The following TRHDE variants were observed in gnomAD, a reference collection of about 807,000 sequenced individuals.
TRHDE encodes the protein thyrotropin-releasing hormone-degrading ectoenzyme.
A neutral mutation model predicts 125.7 loss-of-function variants in TRHDE; 72 were observed. That is an observed-to-expected ratio of 0.57 (90% CI 0.47 to 0.70). The LOEUF is 0.70. TRHDE is among the 30% of genes least tolerant of loss of function. The pLI is 0.00. For missense variants in TRHDE, 1,110 were observed against 1,327.1 expected, an observed-to-expected ratio of 0.84 and a Z score of 2.54; for synonymous variants, 509 against 509.1, an observed-to-expected ratio of 1.00 and a Z score of 0.00.
Position 72,469,869 on chromosome 12 carries a change from T to C in TRHDE, c.1427T>C (p.Leu476Ser). Residue 476 changes from leucine to serine, a missense_variant, in exon 4 of 19, where the codon TTG becomes TCG. By Grantham distance (145) the Leu-to-Ser change is moderately radical. Transcript: ENST00000261180. ...LDPSVSSISY[L>S]LDVTMVIVHE... ...CCCAGTGTTTCATCTATTTCTTATT[T>C]GCTGGATGTCACCATGGTCATTGTT... 6.2e-7 allele frequency: 1 copy of C among 1,614,142 alleles called. No homozygotes were observed. The highest frequency in any genetic ancestry group is 2.2e-5 in the East Asian group (1 of 44,870).
intron 2 of TRHDE, among the ~76,000 whole-genome samples, chr12:72,108,363 T>C (rs1019925022): frequency 2.6e-5 from 4 of 152,120 alleles, no homozygotes; most frequent in African/African-American, 9.7e-5. Flanking sequence ...TAGGAAGATA[T>C]ATGAATGATT....
At chr12:72,561,710 T>C (rs1870185695) in intron 7 of TRHDE, among the ~76,000 whole-genome samples, 1 of 152,226 alleles carries the variant, frequency 6.6e-6, no homozygotes, top group Non-Finnish European at 1.5e-5. Context: ...GGAGACAGAT[T>C]GTGAAGAGAG....
At chr12:72,283,815 T>A (rs1347440030) in intron 1 of TRHDE, among the ~76,000 whole-genome samples, 1 of 152,084 alleles carries the variant, frequency 6.6e-6, no homozygotes, top group African/African-American at 2.4e-5. Flanking sequence ...TCATTCTAAT[T>A]ACAACCTCTC....
intron 2 of TRHDE, among the ~76,000 whole-genome samples, chr12:72,146,839 T>C (rs1463589772): frequency 2.6e-5 from 4 of 152,192 alleles, no homozygotes; most frequent in South Asian, 2.1e-4. Context: ...CCCGCAAGAA[T>C]TGGATCACAC....
At chr12:72,463,242 C>T (rs1876211097) in intron 3 of TRHDE, among the ~76,000 whole-genome samples, 1 of 152,176 alleles carries the variant, frequency 6.6e-6, no homozygotes, top group Admixed American at 6.6e-5. Flanking sequence ...ATATTTATTT[C>T]TTCAGCATTA....
At chr12:72,292,505 G>T (rs1481782973) in intron 2 of TRHDE, among the ~76,000 whole-genome samples, 1 of 152,178 alleles carries the variant, frequency 6.6e-6, no homozygotes, top group African/African-American at 2.4e-5. Flanking sequence ...CACTTTGAGT[G>T]TTTTGCCTGG....
In TRHDE at chr12:72,191,288, T is replaced by G. The variant is rs575532241; in HGVS notation, n.279+85536T>G. Reference sequence around the variant, plus strand: ...TGGCTTCCTGATCCTACAGCCAGCTTCTTCTTTCTATAGTTGTCTTATTGT... The same window carrying G: ...TGGCTTCCTGATCCTACAGCCAGCTGCTTCTTTCTATAGTTGTCTTATTGT... On this transcript the variant is annotated intron_variant and non_coding_transcript_variant, in intron 2 of 4. Transcript: ENST00000548156. 1.9e-4 allele frequency among the ~76,000 whole-genome samples: 29 copies of G among 152,244 alleles called. 1 individual carries two copies. The South Asian group carries it at 5.6e-3, about 29-fold the overall frequency.
intron 3 of TRHDE, among the ~76,000 whole-genome samples, chr12:72,447,832 T>G (rs1875374232): frequency 6.6e-6 from 1 of 152,050 alleles, no homozygotes; most frequent in Non-Finnish European, 1.5e-5. Context: ...TCTCAATTTA[T>G]TCTAAGGTAC....
intron 6 of TRHDE, among the ~76,000 whole-genome samples, chr12:72,519,158 C>A (rs576101795): frequency 4.6e-5 from 7 of 151,862 alleles, no homozygotes; most frequent in Non-Finnish European, 7.4e-5. Context: ...ATCTTTGTGG[C>A]GTTCTCTGTA....
intron 2 of TRHDE, among the ~76,000 whole-genome samples, chr12:72,344,601 G>T (rs1870229679): frequency 6.6e-6 from 1 of 152,094 alleles, no homozygotes; most frequent in African/African-American, 2.4e-5. Context: ...GGCTACATGA[G>T]CAAGGGTTTG....
Position 72,666,222 on chromosome 12 carries a change from CTG to C in TRHDE, c.*3028_*3029del, listed in dbSNP as rs965330884. On this transcript the variant is annotated 3_prime_UTR_variant, in exon 19 of 19. Coordinates refer to ENST00000261180, the MANE Select transcript of TRHDE (RefSeq NM_013381.3). Reference sequence around the variant, plus strand: ...GAGCCCTAATATTCTGATGAGAAAACTGGGGCTCAGGTAGCAACATGAGCTAT... The same window carrying C: ...GAGCCCTAATATTCTGATGAGAAAACGGGCTCAGGTAGCAACATGAGCTAT... 8 of 151,880 alleles carry C rather than the reference CTG, an allele frequency of 5.3e-5. No homozygotes were observed. The highest frequency in any genetic ancestry group is 1.9e-4 in the African/African-American group (8 of 41,382). 9.4% of individuals were successfully genotyped at this position (151,880 alleles called of 1,614,324 possible).
intron 6 of TRHDE, among the ~76,000 whole-genome samples, chr12:72,541,236 T>C (rs897916979): frequency 6.6e-6 from 1 of 151,628 alleles, no homozygotes; most frequent in Non-Finnish European, 1.5e-5. Context: ...CTACCATTTG[T>C]ATTTAAACAT....
At position 72,578,301 on chromosome 12, in the gene TRHDE, G is replaced by A. The variant is rs12298495; in HGVS notation, c.2321+2759G>A. Reference sequence around the variant, plus strand: ...AGAGGTTAAGTTGCTTAGGTAAGGCGGCACAGCTTTTGGAGCAGGGGTGGA... The same window carrying A: ...AGAGGTTAAGTTGCTTAGGTAAGGCAGCACAGCTTTTGGAGCAGGGGTGGA... On this transcript the variant is annotated intron_variant, in intron 12 of 18. Transcript: ENST00000261180. Among the ~76,000 whole-genome samples, 17 of 151,884 alleles carry A rather than the reference G, an allele frequency of 1.1e-4. No individual in the cohort carries two copies. The East Asian group carries it at 3.1e-3, about 28-fold the overall frequency.
At chr12:72,473,400 C>G (rs1290648868) in intron 5 of TRHDE, among the ~76,000 whole-genome samples, 3 of 151,958 alleles carry the variant, frequency 2.0e-5, no homozygotes, top group Admixed American at 6.6e-5. Context: ...TTCAAAATGC[C>G]ACAATTTACC....
In TRHDE at chr12:72,273,486, C is replaced by A; in HGVS notation, c.843C>A (p.Ile281=). 1 of 1,612,808 alleles carries A rather than the reference C, an allele frequency of 6.2e-7. No individual in the cohort carries two copies. Among genetic ancestry groups the A allele is most frequent in the Non-Finnish European group, 8.5e-7 (1 of 1,180,012 alleles). Residue 281 remains isoleucine (I), a synonymous_variant, in exon 1 of 19, where the codon ATC becomes ATA. Coordinates refer to ENST00000261180, the MANE Select transcript of TRHDE (RefSeq NM_013381.3). The surrounding 1 kb of genome is among the most constrained non-coding windows in gnomAD (Gnocchi z 5.3). ...AGAGGAATTACAATCTGAAGATTAT[C>A]TACAACGCGCTCATCGAGAATGAGC... is the stretch of plus-strand genomic sequence containing the variant. ...DAQRNYNLKI[I]YNALIENELL...
chr12:72,636,500 T>A (rs1236700184), intron 15 of TRHDE, among the ~76,000 whole-genome samples: 1 of 151,224 alleles, frequency 6.6e-6, no homozygotes, highest in Non-Finnish European at 1.5e-5. Context: ...TTTATTTCCT[T>A]CTCCTGCCTA....
At chr12:72,359,342 A>G (rs1010124441) in intron 2 of TRHDE, among the ~76,000 whole-genome samples, 4 of 151,780 alleles carry the variant, frequency 2.6e-5, no homozygotes, top group African/African-American at 9.6e-5. Flanking sequence ...AAATAAAGTC[A>G]GAAATAAGAT....
At chr12:72,570,234 T>G (rs1214108683) in intron 10 of TRHDE, among the ~76,000 whole-genome samples, 3 of 152,170 alleles carry the variant, frequency 2.0e-5, no homozygotes, top group African/African-American at 7.2e-5. Flanking sequence ...AACTTCTTAG[T>G]TATTTCCATG....
At chr12:72,526,665 A>T (rs1273377006) in intron 6 of TRHDE, among the ~76,000 whole-genome samples, 3 of 152,114 alleles carry the variant, frequency 2.0e-5, no homozygotes, top group African/African-American at 7.2e-5. Flanking sequence ...TCCTTTACTA[A>T]ATGTCACTTT....
Sources: allele counts gnomAD v4.1 joint callset (sites outside exome capture counted in the v4.1 genomes callset), GRCh38; gene constraint gnomAD v4.1.1; non-coding constraint Gnocchi (gnomAD v3.1); transcripts MANE v1.5; gene names NCBI Gene and HGNC (gene_info 2026-07-23, HGNC 2026-07-21).